COL5A2: variants seen among roughly 807,000 people sequenced by gnomAD.
The protein encoded by COL5A2 is collagen type V alpha 2 chain.
Under a neutral mutation model 208.2 loss-of-function variants are expected in COL5A2, and 23 were observed. That is an observed-to-expected ratio of 0.11 (90% CI 0.08 to 0.16). The LOEUF (loss-of-function observed/expected upper bound fraction) is 0.16. Among genes scored for constraint, COL5A2 ranks in the 10% least tolerant of loss-of-function variants. The pLI, the probability that COL5A2 is intolerant of heterozygous loss-of-function variation, is 1.00. For missense variants in COL5A2, 1,590 were observed against 1,956.4 expected (o/e 0.81, Z 3.53); for synonymous variants, 625 against 628.5 (o/e 0.99, Z 0.08).
intron 46 of COL5A2, 29 bp from the exon 47 acceptor site, chr2:189,045,261 G>T: frequency 1.3e-6 from 2 of 1,546,922 alleles, no homozygotes; most frequent in Non-Finnish European, 8.9e-7. Context: ...AAAAAAAATT[G>T]GCATGTAAAA....
At chr2:189,398,368 T>C in the COL5A2 span, among the ~76,000 whole-genome samples, 1 of 152,172 alleles carries the variant, frequency 6.6e-6, no homozygotes, top group Admixed American at 6.5e-5. Context: ...AAATGTTATG[T>C]TAAAGTCTTC....
chr2:189,208,179 C>T (rs936123551), intron 1 of COL5A2, among the ~76,000 whole-genome samples: 14 of 152,174 alleles, frequency 9.2e-5, no homozygotes, highest in African/African-American at 3.1e-4. Context: ...CCAACCCACC[C>T]TCCTTTGCCT....
rs1198624513 is a variant in COL5A2, at chr2:189,064,564, C to T, written c.1709G>A (p.Gly570Asp). 6.2e-7 allele frequency: 1 copy of T among 1,613,284 alleles called. No individual in the cohort carries two copies. The highest frequency in any genetic ancestry group is 1.3e-5 in the African/African-American group (1 of 74,894). Residue 570 changes from glycine to aspartate, a missense_variant, in exon 25 of 54, where the codon GGT (glycine) becomes GAT (aspartate). Coordinates refer to ENST00000374866, the MANE Select transcript of COL5A2 (RefSeq NM_000393.5). Reference sequence around the variant, plus strand: ...CACTTGCTATATTCTTACCCGAGCACCTGGAAGCCCAGGTTCCCCTGGACG... The same window carrying T: ...CACTTGCTATATTCTTACCCGAGCATCTGGAAGCCCAGGTTCCCCTGGACG... ...PGRPGEPGLP[G>D]ARGLTGNPGV...
chr2:189,388,247 G>C, the COL5A2 span, among the ~76,000 whole-genome samples: 1 of 152,242 alleles, frequency 6.6e-6, no homozygotes, highest in African/African-American at 2.4e-5. Context: ...GACAAGGCAG[G>C]GAGTGCTAGA....
chr2:189,285,830 T>C, the COL5A2 span, among the ~76,000 whole-genome samples: 36 of 152,316 alleles, frequency 2.4e-4, no homozygotes, highest in Admixed American at 1.0e-3. Context: ...TGCATTTTTA[T>C]CTCTTATTAA....
At chr2:189,280,214 A>T in the COL5A2 span, among the ~76,000 whole-genome samples, 5 of 152,190 alleles carry the variant, frequency 3.3e-5, no homozygotes, top group African/African-American at 9.6e-5. Context: ...GGAAGCCTAA[A>T]TGAACTAAGA....
At chr2:189,174,648 G>T (rs1688643275) in intron 1 of COL5A2, among the ~76,000 whole-genome samples, 1 of 152,144 alleles carries the variant, frequency 6.6e-6, no homozygotes, top group Admixed American at 6.5e-5. Context: ...AAACTTCCTA[G>T]ATATTTGGAA....
At chr2:189,308,114 G>A in the COL5A2 span, among the ~76,000 whole-genome samples, 1 of 152,030 alleles carries the variant, frequency 6.6e-6, no homozygotes, top group East Asian at 1.9e-4. Context: ...AATAAACTGG[G>A]GTGTGGGTGT....
At chr2:189,309,732 C>T in the COL5A2 span, among the ~76,000 whole-genome samples, 7 of 152,180 alleles carry the variant, frequency 4.6e-5, no homozygotes, top group African/African-American at 7.2e-5. Flanking sequence ...TCAAGGTTGC[C>T]GCAGACCTTT....
At chr2:189,405,094 A>G in the COL5A2 span, among the ~76,000 whole-genome samples, 1 of 152,228 alleles carries the variant, frequency 6.6e-6, no homozygotes, top group African/African-American at 2.4e-5. Context: ...TCCCTGGTAC[A>G]CAGAAAGTTC....
the COL5A2 span, among the ~76,000 whole-genome samples, chr2:189,435,221 C>A: frequency 6.6e-6 from 1 of 152,178 alleles, no homozygotes; most frequent in Non-Finnish European, 1.5e-5. Context: ...ACCATAAAAA[C>A]CCTAGAAGAA....
At chr2:189,302,585 G>C in the COL5A2 span, among the ~76,000 whole-genome samples, 1 of 152,118 alleles carries the variant, frequency 6.6e-6, no homozygotes, top group Non-Finnish European at 1.5e-5. Context: ...ATTATGTGTG[G>C]TTTTGCTTTT....
chr2:189,395,817 C>G, the COL5A2 span, among the ~76,000 whole-genome samples: 1 of 132,990 alleles, frequency 7.5e-6, no homozygotes, highest in Non-Finnish European at 1.5e-5. Context: ...CTGAGTGAGG[C>G]AGGTGAATCA....
chr2:189,063,379 T>A, intron 26 of COL5A2, 109 bp from the exon 27 acceptor site: 2 of 916,470 alleles, frequency 2.2e-6, no homozygotes. Flanking sequence ...TTTTAAATTA[T>A]CTTGCATTTT....
chr2:189,139,197 C>G (rs1450792191), intron 1 of COL5A2, among the ~76,000 whole-genome samples: 1 of 152,136 alleles, frequency 6.6e-6, no homozygotes, highest in African/African-American at 2.4e-5. Flanking sequence ...ATCACTTGAA[C>G]CCAGGAGGCA....
chr2:189,295,688 C>T, the COL5A2 span, among the ~76,000 whole-genome samples: 85,930 of 152,030 alleles, frequency 0.57, 26,145 homozygotes, highest in East Asian at 0.71. Flanking sequence ...TTTAGCCACG[C>T]GGATGTATAC....
intron 52 of COL5A2, 123 bp from the exon 53 acceptor site, chr2:189,035,278 T>C (rs1272032475): frequency 1.2e-5 from 16 of 1,288,410 alleles, no homozygotes; most frequent in Non-Finnish European, 1.7e-5. Flanking sequence ...TTACTTTAAT[T>C]CTTGTCATAA....
chr2:189,174,481 A>C (rs958709689), intron 1 of COL5A2, among the ~76,000 whole-genome samples: 2 of 152,242 alleles, frequency 1.3e-5, no homozygotes, highest in African/African-American at 4.8e-5. Flanking sequence ...ATAGCAAGTT[A>C]TTACCAAAAT....
In COL5A2 at chr2:189,079,044, C is replaced by G. The variant is rs773395542; in HGVS notation, c.1005+19G>C. On this transcript the variant is annotated intron_variant, in intron 15 of 53. Transcript: ENST00000374866. ...AATATAACCTTAGAAATTTAAGAAA[C>G]AAGAAAACGAGCACATACCAGAGGA... is the stretch of plus-strand genomic sequence containing the variant. The G allele has an allele frequency of 6.2e-7, 1 of 1,603,114 alleles. No individual in the cohort carries two copies. Among genetic ancestry groups the G allele is most frequent in the South Asian group, 1.1e-5 (1 of 90,782 alleles).
Sources: gnomAD v4.1 joint callset for allele counts (sites outside exome capture counted in the v4.1 genomes callset) on GRCh38, gnomAD v4.1.1 for gene constraint, MANE v1.5 for transcripts, NCBI Gene and HGNC (gene_info 2026-07-23, HGNC 2026-07-21) for gene names.